The following LRRC4C variants were observed in gnomAD, a reference collection of about 807,000 sequenced individuals.
LRRC4C encodes leucine-rich repeat-containing protein 4C.
Under a neutral mutation model 33.6 loss-of-function variants are expected in LRRC4C, and 5 were observed. The ratio of observed to expected loss-of-function variants is 0.15; its 90% CI spans 0.08 to 0.31. The LOEUF (loss-of-function observed/expected upper bound fraction) is 0.31. LRRC4C is among the 10% of genes least tolerant of loss of function. The pLI, the probability that LRRC4C is intolerant of heterozygous loss-of-function variation, is 1.00. For synonymous variants in LRRC4C, 329 were observed against 302.0 expected (o/e 1.09, Z -0.93); for missense variants, 560 against 796.7 (o/e 0.70, Z 3.58).
chr11:41,089,883 T>G (rs1284446660), intron 1 of LRRC4C, among the ~76,000 whole-genome samples: 1 of 152,040 alleles, frequency 6.6e-6, no homozygotes, highest in Non-Finnish European at 1.5e-5. Flanking sequence ...TAAATTATCA[T>G]AATCATGTGA....
chr11:40,557,390 A>G (rs1957373085), intron 3 of LRRC4C, among the ~76,000 whole-genome samples: 2 of 152,208 alleles, frequency 1.3e-5, no homozygotes, highest in African/African-American at 2.4e-5. Flanking sequence ...TTGATGAGCT[A>G]TAGTAAAGAG....
chr11:40,959,241 T>C (rs1038154287), intron 1 of LRRC4C, among the ~76,000 whole-genome samples: 5 of 151,580 alleles, frequency 3.3e-5, no homozygotes, highest in South Asian at 2.1e-4. Context: ...GAAACAGAAC[T>C]CAACACAGTG....
chr11:41,006,984 G>C (rs147770223), intron 1 of LRRC4C, among the ~76,000 whole-genome samples: 3 of 151,948 alleles, frequency 2.0e-5, no homozygotes, highest in Non-Finnish European at 4.4e-5. Context: ...TGCCCCAAAG[G>C]CACTGAGCAA....
chr11:41,405,816 A>T (rs908633292), intron 1 of LRRC4C, among the ~76,000 whole-genome samples: 1 of 152,174 alleles, frequency 6.6e-6, no homozygotes, highest in Non-Finnish European at 1.5e-5. Context: ...TTTATTTAAC[A>T]CCTACTATGT....
chr11:40,593,510 C>T (rs1959151877), intron 3 of LRRC4C, among the ~76,000 whole-genome samples: 1 of 152,060 alleles, frequency 6.6e-6, no homozygotes, highest in Non-Finnish European at 1.5e-5. Context: ...CATGTATGTA[C>T]TGAACAAGAG....
At position 40,631,119 on chromosome 11, in the gene LRRC4C, A is replaced by G. The variant is rs547666470; in HGVS notation, c.-270+17023T>C. On this transcript the variant is annotated intron_variant, in intron 3 of 6. Coordinates refer to ENST00000528697, the MANE Select transcript of LRRC4C (RefSeq NM_001258419.2). ...TTCATCTCCTGAATGTCTGATGTGCACTTCCACTGTAGAGAGAAAGCTGCT... is the reference window on the plus strand; with the variant it reads ...TTCATCTCCTGAATGTCTGATGTGCGCTTCCACTGTAGAGAGAAAGCTGCT... 2.0e-5 allele frequency among the ~76,000 whole-genome samples: 3 copies of G among 152,316 alleles called. No individual in the cohort carries two copies. The East Asian group carries it at 5.8e-4, about 29-fold the overall frequency.
At chr11:40,243,300 G>A (rs766120955) in intron 4 of LRRC4C, among the ~76,000 whole-genome samples, 9 of 151,984 alleles carry the variant, frequency 5.9e-5, no homozygotes, top group Non-Finnish European at 1.2e-4. Flanking sequence ...GAACATCTTG[G>A]GCCCAACATA....
chr11:40,235,761 T>C (rs1865510303), intron 5 of LRRC4C, among the ~76,000 whole-genome samples: 1 of 152,174 alleles, frequency 6.6e-6, no homozygotes, highest in Admixed American at 6.6e-5. Context: ...AACAGAAACA[T>C]ATGTACCAAA....
At chr11:40,233,122 C>T (rs1384372164) in intron 5 of LRRC4C, among the ~76,000 whole-genome samples, 1 of 152,164 alleles carries the variant, frequency 6.6e-6, no homozygotes. Flanking sequence ...GGAATCAGGA[C>T]CTTTAAATAT....
chr11:41,453,268 G>C (rs930138328), intron 1 of LRRC4C, among the ~76,000 whole-genome samples: 1 of 152,074 alleles, frequency 6.6e-6, no homozygotes, highest in Admixed American at 6.6e-5. Context: ...TTAAGTAACT[G>C]TCAAAGTTAA....
intron 1 of LRRC4C, among the ~76,000 whole-genome samples, chr11:40,948,458 C>G (rs1408093267): frequency 2.0e-5 from 3 of 150,692 alleles, no homozygotes; most frequent in East Asian, 2.0e-4. Context: ...TGCTGGTGCG[C>G]TGCACCCACT....
At chr11:40,475,020 C>G (rs1229624376) in intron 3 of LRRC4C, among the ~76,000 whole-genome samples, 1 of 152,120 alleles carries the variant, frequency 6.6e-6, no homozygotes, top group Non-Finnish European at 1.5e-5. Context: ...TAAATTAGTT[C>G]AACCATTGTG....
rs144977828 is a variant in LRRC4C at position 40,690,141 on chromosome 11, C to T, written c.-406-41863G>A. The stretch of plus-strand genomic sequence containing the variant: ...ACCTCTCCACTTTGTTGCCTCATAC[C>T]TAAAAATAATTACAATGATTACAAA... On this transcript the variant is annotated intron_variant, in intron 2 of 6. Coordinates refer to ENST00000528697, the MANE Select transcript of LRRC4C (RefSeq NM_001258419.2). 2.9e-3 allele frequency among the ~76,000 whole-genome samples: 439 copies of T among 152,084 alleles called. 1 individual carries two copies. Among genetic ancestry groups the T allele is most frequent in the African/African-American group, 0.01 (428 of 41,506 alleles).
intron 3 of LRRC4C, among the ~76,000 whole-genome samples, chr11:40,570,075 C>T (rs533873731): frequency 6.1e-4 from 93 of 151,734 alleles, no homozygotes; most frequent in African/African-American, 2.2e-3. Flanking sequence ...TGAGTATATA[C>T]ATAAACATAC....
chr11:40,184,567 GGCAGTCTTGGGGAGGTCATTGAA>G (rs2135548101), intron 5 of LRRC4C, among the ~76,000 whole-genome samples: 1 of 152,282 alleles, frequency 6.6e-6, no homozygotes, highest in Non-Finnish European at 1.5e-5. Context: ...AAGCATCTGT[GGCAGTCTTGGGGAGGTCATTGAA>G]TTTCTAACAG....
intron 1 of LRRC4C, among the ~76,000 whole-genome samples, chr11:41,258,437 C>G (rs1055590889): frequency 2.6e-5 from 4 of 151,890 alleles, no homozygotes; most frequent in Non-Finnish European, 5.9e-5. Flanking sequence ...ACAAACAGAT[C>G]TGATATAATT....
At chr11:40,226,257 T>C (rs1182947514) in intron 5 of LRRC4C, among the ~76,000 whole-genome samples, 1 of 152,202 alleles carries the variant, frequency 6.6e-6, no homozygotes, top group Non-Finnish European at 1.5e-5. Flanking sequence ...TCGGCAACAA[T>C]GATAAGCTAG....
intron 1 of LRRC4C, among the ~76,000 whole-genome samples, chr11:41,234,390 C>T (rs1006316106): frequency 6.6e-6 from 1 of 151,738 alleles, no homozygotes; most frequent in African/African-American, 2.4e-5. Flanking sequence ...AAATATTAGG[C>T]TAATATATTC....
chr11:41,001,467 A>C (rs1386188579), intron 1 of LRRC4C, among the ~76,000 whole-genome samples: 1 of 152,138 alleles, frequency 6.6e-6, no homozygotes, highest in Non-Finnish European at 1.5e-5. Context: ...TGACAAGTGA[A>C]GTTAATAGAG....
Sources: allele counts gnomAD v4.1 joint callset (sites outside exome capture counted in the v4.1 genomes callset), GRCh38; gene constraint gnomAD v4.1.1; transcripts MANE v1.5; gene names NCBI Gene and HGNC (gene_info 2026-07-23, HGNC 2026-07-21).